Variants in TYK2 observed in about 807,000 individuals in gnomAD.
TYK2 encodes tyrosine kinase 2.
In TYK2, 65 loss-of-function variants were observed where a neutral mutation model predicts 130.9. The observed-to-expected ratio is 0.50, with a 90% CI of 0.41 to 0.61. The LOEUF (loss-of-function observed/expected upper bound fraction) is 0.61. Among genes scored for constraint, TYK2 ranks in the 20% least tolerant of loss-of-function variants. The pLI is 0.00. For missense variants in TYK2, 1,378 were observed against 1,610.7 expected (o/e 0.86, Z 2.47); for synonymous variants, 647 against 658.9 (o/e 0.98, Z 0.28).
Position 10,350,685 on chromosome 19 carries a change from C to T in TYK2, c.*149G>A. 1 of 917,948 alleles carries T rather than the reference C, an allele frequency of 1.1e-6. No homozygotes were observed. The allele number at this position is 917,948 out of a possible 1,614,324, so 56.9% of individuals were successfully genotyped here. A position where few individuals can be genotyped will look rare whatever the true frequency, so the allele number is the denominator to read the frequency against. On this transcript the variant is annotated 3_prime_UTR_variant, in exon 25 of 25. Coordinates refer to ENST00000525621, the MANE Select transcript of TYK2 (RefSeq NM_003331.5). ...CGGCCAAGAAAGAAAAATAAGTTCA[C>T]AGAGGTGGGGTCTCTAGACAGGAGT...
chr19:10,351,229 G>C lies in TYK2; in HGVS notation c.3319-67C>G, dbSNP rs1265766530. ...AAGGCAGGCACGGTGGCTCATGCCT[G>C]TAATCCCAGCACTTTGGAAGGCTGA... On this transcript the variant is annotated intron_variant, in intron 23 of 24. Coordinates refer to ENST00000525621, the MANE Select transcript of TYK2 (RefSeq NM_003331.5). 2.3e-6 allele frequency: 3 copies of C among 1,303,838 alleles called. No homozygotes were observed. In the East Asian group the frequency reaches 7.3e-5, roughly 32 times the overall value. 80.8% of individuals were successfully genotyped at this position (1,303,838 alleles called of 1,614,324 possible).
At chr19:10,379,137 G>A (rs917382407) in intron 2 of TYK2, among the ~76,000 whole-genome samples, 6 of 151,852 alleles carry the variant, frequency 4.0e-5, no homozygotes, top group African/African-American at 9.7e-5. Context: ...GGGATTACAG[G>A]CGTGAGCCAC....
chr19:10,351,770 G>A (rs528429594), intron 23 of TYK2, among the ~76,000 whole-genome samples: 9 of 151,852 alleles, frequency 5.9e-5, no homozygotes, highest in Middle Eastern at 3.4e-3. Context: ...ACAGTCTCTC[G>A]CTCTTTCACC....
chr19:10,353,580 CG>C lies in TYK2; in HGVS notation c.2974del (p.Arg992GlyfsTer33). 6.7e-7 allele frequency: 1 copy of C among 1,493,176 alleles called. No individual in the cohort carries two copies. The highest frequency in any genetic ancestry group is 8.9e-7 in the Non-Finnish European group (1 of 1,117,924). The allele number at this position is 1,493,176 out of a possible 1,614,324, so 92.5% of individuals were successfully genotyped here. On this transcript the variant is annotated frameshift_variant, in exon 21 of 25. Coordinates refer to ENST00000525621, the MANE Select transcript of TYK2 (RefSeq NM_003331.5). LOFTEE classifies it high-confidence loss of function. This position sits in a 1 kb window ranked among gnomAD's most constrained non-coding sequence, Gnocchi z 6.9. ...CAGCTGGGCCAGCCCGATGCTGTGC[CG>C]GGGCAGGTAGTCTCGGAGGCTGCCC... Reference protein sequence around the residue: ...PLGSLRDYLPRHSIGLAQLLL... With the variant: ...PLGSLRDYLPXHSIGLAQLLL...
chr19:10,362,528 A>G (rs1348707723), intron 10 of TYK2, 21 bp downstream of exon 10: 3 of 1,555,356 alleles, frequency 1.9e-6, no homozygotes, highest in South Asian at 1.2e-5. Context: ...CCCCAGCCCC[A>G]GCCCCCAGCC....
rs35018800 is a variant in TYK2 at position 10,354,167 on chromosome 19, G to A, written c.2783C>T (p.Ala928Val). The A allele has an allele frequency of 6.3e-3, 10,241 of 1,613,810 alleles. 54 individuals are homozygous for A. The highest frequency in any genetic ancestry group is 7.8e-3 in the Non-Finnish European group (9,246 of 1,180,014). ...GCAGTCTGCCTTGAGGGCTTTCACC[G>A]CCACCATCTCGCCAGTGCCGTCGTT... Reference protein sequence around the residue: ...PTNDGTGEMVAVKALKADCGP... With the variant: ...PTNDGTGEMVVVKALKADCGP... Residue 928 changes from alanine to valine, a missense_variant, in exon 20 of 25, where the codon GCG becomes GTG. By Grantham distance (64) the Ala-to-Val change is moderately conservative (BLOSUM62 0). Coordinates refer to ENST00000525621, the MANE Select transcript of TYK2 (RefSeq NM_003331.5).
chr19:10,355,246 C>A (rs530365134), intron 18 of TYK2, among the ~76,000 whole-genome samples: 1 of 151,170 alleles, frequency 6.6e-6, no homozygotes, highest in South Asian at 2.1e-4. Context: ...GAGCCATGAT[C>A]GTGCCTCTGA....
rs1375424362 is a variant in TYK2, at chr19:10,356,560, G to C, written c.2617+8C>G. On this transcript the variant is annotated splice_region_variant and intron_variant, in intron 18 of 24. Transcript: ENST00000525621. ...TCCCCAGGGTCCCAGCACTGGGATG[G>C]AGCTCACTGTGGGGCTGCAGCCGGG... 1.2e-6 allele frequency: 2 copies of C among 1,612,702 alleles called. No individual in the cohort carries two copies. The highest frequency in any genetic ancestry group is 1.7e-5 in the Admixed American group (1 of 60,000).
In TYK2 at chr19:10,378,362, A is replaced by G; in HGVS notation, c.45T>C (p.Val15=). ...HWGMARGSKP[V]GDGAQPMAAM... ...CAGCCATGGGCTGGGCTCCATCCCC[A>G]ACGGGCTTACTGCCCCTGGCCATCC... The change falls in exon 3 of 25, where the codon GTT becomes GTC. Residue 15 remains valine, a synonymous_variant. Transcript: ENST00000525621. The G allele has an allele frequency of 6.2e-7, 1 of 1,612,296 alleles. No homozygotes were observed. Among genetic ancestry groups the G allele is most frequent in the Non-Finnish European group, 8.5e-7 (1 of 1,179,850 alleles).
chr19:10,355,640 CAA>C (rs34951532), intron 18 of TYK2, among the ~76,000 whole-genome samples: 23 of 69,928 alleles, frequency 3.3e-4, no homozygotes, highest in Admixed American at 5.7e-4. Context: ...AACTCCATCT[CAA>C]AAAAAAAAAA....
chr19:10,374,815 G>A (rs1381834575), intron 3 of TYK2, among the ~76,000 whole-genome samples: 4 of 151,862 alleles, frequency 2.6e-5, no homozygotes, highest in Non-Finnish European at 4.4e-5. Flanking sequence ...CCCGGGAGGC[G>A]GAGGTTGCAG....
At position 10,350,692 on chromosome 19, in the gene TYK2, G is replaced by A. The variant is rs574881059; in HGVS notation, c.*142C>T. The A allele has an allele frequency of 1.0e-6, 1 of 962,498 alleles. No homozygotes were observed. Among genetic ancestry groups the A allele is most frequent in the East Asian group, 2.5e-5 (1 of 39,930 alleles). The allele number at this position is 962,498 out of a possible 1,614,324, so 59.6% of individuals were successfully genotyped here. A position where few individuals can be genotyped will look rare whatever the true frequency, so the allele number is the denominator to read the frequency against. On this transcript the variant is annotated 3_prime_UTR_variant, in exon 25 of 25. Coordinates refer to ENST00000525621, the MANE Select transcript of TYK2 (RefSeq NM_003331.5). Reference sequence around the variant, plus strand: ...GAAAGAAAAATAAGTTCACAGAGGTGGGGTCTCTAGACAGGAGTAAGGCAC... The same window carrying A: ...GAAAGAAAAATAAGTTCACAGAGGTAGGGTCTCTAGACAGGAGTAAGGCAC...
At chr19:10,365,267 C>A (rs367885505) in intron 7 of TYK2, among the ~76,000 whole-genome samples, 20 of 152,252 alleles carry the variant, frequency 1.3e-4, no homozygotes, top group African/African-American at 3.6e-4. Context: ...AATCCTGACC[C>A]CCTCACACCC....
intron 14 of TYK2, 150 bp from the exon 15 acceptor site, chr19:10,359,452 G>A: frequency 1.1e-6 from 1 of 929,852 alleles, no homozygotes; most frequent in South Asian, 1.4e-5. Context: ...GGTTGAAAGT[G>A]AGTTTGGGGA....
intron 23 of TYK2, chr19:10,351,364 G>A (rs2040795842): frequency 1.9e-5 from 9 of 464,424 alleles, no homozygotes; most frequent in South Asian, 1.2e-4. Context: ...GCAGGCGCCC[G>A]TAATCCCAGC....
At position 10,357,565 on chromosome 19, in the gene TYK2, C is replaced by T. The variant is rs1302636395; in HGVS notation, c.2466+199G>A. 5 of 770,478 alleles carry T rather than the reference C, an allele frequency of 6.5e-6. No homozygotes were observed. In the African/African-American group the frequency reaches 6.8e-5, roughly 11 times the overall value. The allele number at this position is 770,478 out of a possible 1,614,324, so 47.7% of individuals were successfully genotyped here. A position where few individuals can be genotyped will look rare whatever the true frequency, so the allele number is the denominator to read the frequency against. On this transcript the variant is annotated intron_variant, in intron 17 of 24. Transcript: ENST00000525621. The stretch of plus-strand genomic sequence containing the variant: ...AGTCTCTTACTTGCCTTCTGTGTGC[C>T]AGGCACAAGTGACTTCCACAAGGAC...
chr19:10,368,640 G>T lies in TYK2; in HGVS notation c.194-222C>A, dbSNP rs918033328. 5.4e-6 allele frequency: 3 copies of T among 559,762 alleles called. No homozygotes were observed. In the African/African-American group the frequency reaches 5.6e-5, roughly 11 times the overall value. The allele number at this position is 559,762 out of a possible 1,614,324, so 34.7% of individuals were successfully genotyped here. On this transcript the variant is annotated intron_variant, in intron 3 of 24. Coordinates refer to ENST00000525621, the MANE Select transcript of TYK2 (RefSeq NM_003331.5). ...TCCCAGCCTCCCTTGCAGCTAGGAT[G>T]GAGCCAATTGCACTGCTGGTTTCTG...
rs375987424 is a variant in TYK2 at position 10,359,237 on chromosome 19, G to A, written c.2113C>T (p.His705Tyr). 1 of 1,610,686 alleles carries A rather than the reference G, an allele frequency of 6.2e-7. No homozygotes were observed. The highest frequency in any genetic ancestry group is 8.5e-7 in the Non-Finnish European group (1 of 1,179,926). The change falls in exon 15 of 25, where the codon CAT becomes TAT. Residue 705 changes from histidine (H) to tyrosine (Y), a missense_variant. By Grantham distance (83) the His-to-Tyr change is moderately conservative. Transcript: ENST00000525621. ...LDVWLRRERG[H>Y]VPMAWKMVVA... ...ACCATCTTCCAAGCCATGGGCACAT[G>A]GCCCCGCTCCCTCCGCAGCCACACA...
At chr19:10,370,865 T>C (rs2041882347) in intron 3 of TYK2, among the ~76,000 whole-genome samples, 1 of 151,884 alleles carries the variant, frequency 6.6e-6, no homozygotes, top group Non-Finnish European at 1.5e-5. Flanking sequence ...AAGCTGGGTA[T>C]GGTGGCTCAC....
Sources: gnomAD v4.1 joint callset for allele counts (sites outside exome capture counted in the v4.1 genomes callset) on GRCh38, gnomAD v4.1.1 for gene constraint, Gnocchi (gnomAD v3.1) non-coding constraint, MANE v1.5 for transcripts, NCBI Gene and HGNC (gene_info 2026-07-23, HGNC 2026-07-21) for gene names.